PTPRD: variants seen among roughly 807,000 people sequenced by gnomAD.
PTPRD encodes protein tyrosine phosphatase receptor type D.
In PTPRD, 34 loss-of-function variants were observed where a neutral mutation model predicts 214.5. That is an observed-to-expected ratio of 0.16 (90% CI 0.12 to 0.21). The LOEUF (loss-of-function observed/expected upper bound fraction) is 0.21. Ranked by LOEUF, PTPRD falls within the 10% of genes least tolerant of loss-of-function variation. The pLI, the probability that PTPRD is intolerant of heterozygous loss-of-function variation, is 1.00. For synonymous variants in PTPRD, 1,128 were observed against 845.7 expected, an observed-to-expected ratio of 1.33 and a Z score of -5.79; for missense variants, 2,545 against 2,398.7, an observed-to-expected ratio of 1.06 and a Z score of -1.27.
intron 10 of PTPRD, among the ~76,000 whole-genome samples, chr9:9,065,547 A>C (rs1241785205): frequency 6.6e-6 from 1 of 152,198 alleles, no homozygotes; most frequent in Non-Finnish European, 1.5e-5. Flanking sequence ...GTGCAATGTG[A>C]AGCTGACAGG....
intron 3 of PTPRD, among the ~76,000 whole-genome samples, chr9:10,146,404 A>G (rs1383194289): frequency 2.0e-5 from 3 of 152,092 alleles, no homozygotes; most frequent in Non-Finnish European, 4.4e-5. Context: ...TCAGGGAGAG[A>G]GACAAGTAAT....
intron 14 of PTPRD, among the ~76,000 whole-genome samples, chr9:8,574,857 A>G (rs970802352): frequency 6.6e-6 from 1 of 152,096 alleles, no homozygotes; most frequent in Non-Finnish European, 1.5e-5. Context: ...GCTGAGATTC[A>G]TAAGCAGTCA....
chr9:9,360,046 A>G (rs2138955326), intron 9 of PTPRD, among the ~76,000 whole-genome samples: 1 of 151,370 alleles, frequency 6.6e-6, no homozygotes, highest in African/African-American at 2.4e-5. Context: ...TAAAAATCCC[A>G]TGTGTTTTCA....
intron 14 of PTPRD, among the ~76,000 whole-genome samples, chr9:8,551,689 T>C (rs2082153373): frequency 6.6e-6 from 1 of 152,204 alleles, no homozygotes; most frequent in Non-Finnish European, 1.5e-5. Context: ...TAACTGGAAA[T>C]TGCTAACAAC....
intron 11 of PTPRD, among the ~76,000 whole-genome samples, chr9:8,766,178 A>C: frequency 6.8e-6 from 1 of 147,490 alleles, no homozygotes; most frequent in Non-Finnish European, 1.5e-5. Flanking sequence ...ATTTCGTTTT[A>C]CCACTGATGA....
At chr9:10,032,003 G>C (rs2097090334) in intron 4 of PTPRD, among the ~76,000 whole-genome samples, 1 of 152,076 alleles carries the variant, frequency 6.6e-6, no homozygotes, top group African/African-American at 2.4e-5. Context: ...GCCTAGTCTG[G>C]AATGTCTTGA....
rs2055997054 is a variant in PTPRD at position 9,361,172 on chromosome 9, A to G, written c.-203+36277T>C. Reference sequence around the variant, plus strand: ...GGACCCTATAGGTCAAAGGCTTACAACTCAATTGTAATAGGAACTTAAATG... The same window carrying G: ...GGACCCTATAGGTCAAAGGCTTACAGCTCAATTGTAATAGGAACTTAAATG... On this transcript the variant is annotated intron_variant, in intron 9 of 45. Transcript: ENST00000381196. Among the ~76,000 whole-genome samples the G allele has an allele frequency of 2.0e-5, 3 of 151,080 alleles. No homozygotes were observed. The Admixed American group carries it at 2.0e-4, about 10-fold the overall frequency.
intron 11 of PTPRD, among the ~76,000 whole-genome samples, chr9:8,959,964 T>A (rs2099150482): frequency 6.6e-6 from 1 of 151,938 alleles, no homozygotes; most frequent in African/African-American, 2.4e-5. Flanking sequence ...TCATCTTTCT[T>A]TCCCCAGTCA....
intron 10 of PTPRD, among the ~76,000 whole-genome samples, chr9:9,075,618 T>A (rs2099749896): frequency 6.6e-6 from 1 of 152,024 alleles, no homozygotes; most frequent in Admixed American, 6.6e-5. Context: ...TGTCCAAGTG[T>A]TCTCATTGTT....
intron 14 of PTPRD, among the ~76,000 whole-genome samples, chr9:8,599,699 C>A: frequency 1.3e-5 from 2 of 149,368 alleles, no homozygotes; most frequent in Non-Finnish European, 3.0e-5. Context: ...TCACTGCAAC[C>A]TCCGCCTCCT....
intron 8 of PTPRD, among the ~76,000 whole-genome samples, chr9:9,554,738 C>A (rs1341764682): frequency 1.3e-5 from 2 of 151,948 alleles, no homozygotes; most frequent in African/African-American, 4.8e-5. Context: ...AAAAGAATTG[C>A]AGAGGAAACG....
chr9:10,275,154 A>C (rs1053081286), intron 3 of PTPRD, among the ~76,000 whole-genome samples: 1 of 152,210 alleles, frequency 6.6e-6, no homozygotes, highest in African/African-American at 2.4e-5. Flanking sequence ...GTGATTATAG[A>C]TTCCCAAATT....
chr9:8,612,187 A>G (rs938732701), intron 14 of PTPRD, among the ~76,000 whole-genome samples: 2 of 152,242 alleles, frequency 1.3e-5, no homozygotes, highest in African/African-American at 4.8e-5. Context: ...CAGAAAGATG[A>G]TATTTCAATG....
chr9:8,615,250 C>T (rs1170386373), intron 14 of PTPRD, among the ~76,000 whole-genome samples: 4 of 152,020 alleles, frequency 2.6e-5, no homozygotes, highest in Admixed American at 2.6e-4. Context: ...GCTGTGGGAG[C>T]CCACGGCTCA....
intron 3 of PTPRD, among the ~76,000 whole-genome samples, chr9:10,140,293 A>G (rs2098974784): frequency 6.6e-6 from 1 of 151,674 alleles, no homozygotes. Flanking sequence ...GCCACTTCTC[A>G]AAAGAAGACA....
At chr9:8,375,677 A>G (rs1300428239) in intron 39 of PTPRD, among the ~76,000 whole-genome samples, 1 of 152,026 alleles carries the variant, frequency 6.6e-6, no homozygotes, top group African/African-American at 2.4e-5. Context: ...GTGCCCACTT[A>G]ATTTTGTGTT....
chr9:8,547,515 T>C (rs1197134723), intron 14 of PTPRD, among the ~76,000 whole-genome samples: 2 of 151,792 alleles, frequency 1.3e-5, no homozygotes, highest in Non-Finnish European at 2.9e-5. Flanking sequence ...TGGTGGCATG[T>C]GCCTGTAGTA....
chr9:9,862,365 C>T (rs552799865), intron 5 of PTPRD, among the ~76,000 whole-genome samples: 1 of 152,334 alleles, frequency 6.6e-6, no homozygotes, highest in South Asian at 2.1e-4. Flanking sequence ...TATGCAGACA[C>T]AGGAACTAAC....
chr9:8,884,018 T>G (rs1437741742), intron 11 of PTPRD, among the ~76,000 whole-genome samples: 1 of 152,204 alleles, frequency 6.6e-6, no homozygotes, highest in Admixed American at 6.5e-5. Flanking sequence ...TTATGTTGCC[T>G]CATTTATTTT....
Sources: allele counts gnomAD v4.1 joint callset (sites outside exome capture counted in the v4.1 genomes callset), GRCh38; gene constraint gnomAD v4.1.1; transcripts MANE v1.5; gene names NCBI Gene and HGNC (gene_info 2026-07-23, HGNC 2026-07-21).